Variants in FGF12 observed in about 807,000 individuals in gnomAD.
FGF12 encodes the protein fibroblast growth factor 12, also known as fibroblast growth factor 12B.
Under a neutral mutation model 23.6 loss-of-function variants are expected in FGF12, and 14 were observed. The ratio of observed to expected loss-of-function variants is 0.59; its 90% CI spans 0.39 to 0.93. The LOEUF (loss-of-function observed/expected upper bound fraction) is 0.93, where lower values mean the gene tolerates loss of function less well. Among genes scored for constraint, FGF12 ranks in the 40% least tolerant of loss-of-function variants. The probability of loss-of-function intolerance (pLI) is 0.00; values close to 1 mark genes in which losing one functional copy is unlikely to be tolerated. For missense variants in FGF12, 175 were observed against 217.8 expected, an observed-to-expected ratio of 0.80 and a Z score of 1.24; for synonymous variants, 62 against 77.3, an observed-to-expected ratio of 0.80 and a Z score of 1.04.
chr3:192,298,266 G>C (rs9823533), intron 4 of FGF12, among the ~76,000 whole-genome samples: 67 of 152,262 alleles, frequency 4.4e-4, no homozygotes, highest in African/African-American at 1.5e-3. Flanking sequence ...TCTGTCCCTT[G>C]ATCTCATAGA....
At chr3:192,413,909 T>G (rs1721270361) in intron 2 of FGF12, among the ~76,000 whole-genome samples, 2 of 152,216 alleles carry the variant, frequency 1.3e-5, no homozygotes, top group Admixed American at 6.5e-5. Context: ...TTCTGACATA[T>G]TGTCAGTTAC....
rs745909969 is a variant in FGF12, at chr3:192,336,298, G to T, written c.125-834C>A. Reference sequence around the variant, plus strand: ...ACATGCTTGCAGTCTTTACATATTCGAGTTGCTCATCACTCAAAATACTCA... The same window carrying T: ...ACATGCTTGCAGTCTTTACATATTCTAGTTGCTCATCACTCAAAATACTCA... On this transcript the variant is annotated intron_variant, in intron 3 of 5. Transcript: ENST00000445105. This position sits in a 1 kb window ranked among gnomAD's most constrained non-coding sequence, Gnocchi z 4.3. Among the ~76,000 whole-genome samples the T allele has an allele frequency of 6.6e-6, 1 of 151,912 alleles. No individual in the cohort carries two copies. Among genetic ancestry groups the T allele is most frequent in the East Asian group, 1.9e-4 (1 of 5,170 alleles).
Position 192,353,319 on chromosome 3 carries a change from T to C in FGF12, c.124+7109A>G, listed in dbSNP as rs528904541. On this transcript the variant is annotated intron_variant, in intron 3 of 5. Coordinates refer to ENST00000445105, the MANE Select transcript of FGF12 (RefSeq NM_004113.6). ...AAATAAGAAAGAATATCATTTCAAA[T>C]GACTCGTTTTGCTTTACTGACCAGA... Among the ~76,000 whole-genome samples the C allele has an allele frequency of 4.7e-5, 6 of 127,138 alleles. No homozygotes were observed. In the South Asian group the frequency reaches 1.7e-3, roughly 35 times the overall value. 83.4% of individuals were successfully genotyped at this position (127,138 alleles called of 152,430 possible).
chr3:192,712,827 G>T (rs1269731437), intron 2 of FGF12, among the ~76,000 whole-genome samples: 1 of 151,796 alleles, frequency 6.6e-6, no homozygotes, highest in Non-Finnish European at 1.5e-5. Context: ...TCCAAGCAGA[G>T]ACCTGCAAAA....
At chr3:192,722,126 C>G (rs1376688851) in intron 2 of FGF12, among the ~76,000 whole-genome samples, 1 of 152,132 alleles carries the variant, frequency 6.6e-6, no homozygotes, top group Non-Finnish European at 1.5e-5. Flanking sequence ...ATTAAATGAA[C>G]TGGACCCCCT....
At chr3:192,245,820 G>A (rs1711538693) in intron 4 of FGF12, among the ~76,000 whole-genome samples, 1 of 152,118 alleles carries the variant, frequency 6.6e-6, no homozygotes, top group Non-Finnish European at 1.5e-5. Context: ...AACAGAGGAA[G>A]TTTTACTTCT....
intron 2 of FGF12, among the ~76,000 whole-genome samples, chr3:192,492,866 A>G (rs934423496): frequency 3.3e-5 from 5 of 151,874 alleles, no homozygotes; most frequent in Non-Finnish European, 7.4e-5. Context: ...TTTCCAATTT[A>G]TACACAGGAT....
chr3:192,549,508 T>C (rs921026802), intron 2 of FGF12, among the ~76,000 whole-genome samples: 3 of 152,122 alleles, frequency 2.0e-5, no homozygotes, highest in Non-Finnish European at 4.4e-5. Context: ...AAAATCACAT[T>C]TGAAAATAGA....
chr3:192,726,076 C>T (rs189210823), intron 2 of FGF12, among the ~76,000 whole-genome samples: 1 of 152,308 alleles, frequency 6.6e-6, no homozygotes, highest in East Asian at 1.9e-4. Flanking sequence ...ATACTTAAAA[C>T]ACTTTATTGA....
intron 2 of FGF12, among the ~76,000 whole-genome samples, chr3:192,696,055 C>T (rs74720946): frequency 0.05 from 7,554 of 152,170 alleles, 328 homozygotes; most frequent in East Asian, 0.2. Flanking sequence ...GCTGAGATCT[C>T]ACTACTGCAC....
intron 2 of FGF12, among the ~76,000 whole-genome samples, chr3:192,565,051 G>C (rs1471412089): frequency 6.6e-6 from 1 of 152,192 alleles, no homozygotes; most frequent in Non-Finnish European, 1.5e-5. Context: ...TTCACTTGGT[G>C]AATGCTCAAT....
intron 4 of FGF12, among the ~76,000 whole-genome samples, chr3:192,242,120 A>G (rs1345615601): frequency 2.0e-5 from 3 of 152,198 alleles, no homozygotes; most frequent in Non-Finnish European, 4.4e-5. Flanking sequence ...AAATCATGAA[A>G]CCTAAGGAAA....
At chr3:192,188,277 A>G (rs1716596076) in intron 4 of FGF12, among the ~76,000 whole-genome samples, 1 of 152,224 alleles carries the variant, frequency 6.6e-6, no homozygotes, top group Admixed American at 6.5e-5. Flanking sequence ...AAAACTCAGC[A>G]CATTTCAAAT....
chr3:192,286,237 C>T (rs1031868792), intron 4 of FGF12, among the ~76,000 whole-genome samples: 2 of 151,962 alleles, frequency 1.3e-5, no homozygotes, highest in African/African-American at 4.8e-5. Context: ...GTGCTGTTGG[C>T]GCCCATCAGA....
Position 192,727,297 on chromosome 3 carries a change from G to T in FGF12, c.-104C>A. On this transcript the variant is annotated 5_prime_UTR_variant, in exon 2 of 6. Coordinates refer to ENST00000445105, the MANE Select transcript of FGF12 (RefSeq NM_004113.6). ...GGAAGCCAATCTGATGATTTCGCCC[G>T]TACTTCCTTCCTTCCCCTCAGGCTT... is the stretch of plus-strand genomic sequence containing the variant. 6.4e-7 allele frequency: 1 copy of T among 1,551,716 alleles called. No individual in the cohort carries two copies. Among genetic ancestry groups the T allele is most frequent in the Non-Finnish European group, 8.7e-7 (1 of 1,147,052 alleles).
Position 192,336,913 on chromosome 3 carries a change from G to T in FGF12, c.125-1449C>A, listed in dbSNP as rs1427467969. Among the ~76,000 whole-genome samples the T allele has an allele frequency of 6.6e-6, 1 of 152,102 alleles. No individual in the cohort carries two copies. Among genetic ancestry groups the T allele is most frequent in the African/African-American group, 2.4e-5 (1 of 41,424 alleles). ...GAACAGGATTCCATTCTTAGCTGTC[G>T]ACATCGGATCAGTCCTTTTGCCTCT... On this transcript the variant is annotated intron_variant, in intron 3 of 5. Transcript: ENST00000445105. This position sits in a 1 kb window ranked among gnomAD's most constrained non-coding sequence, Gnocchi z 4.3.
chr3:192,167,967 A>G (rs1715321503), intron 5 of FGF12, among the ~76,000 whole-genome samples: 1 of 151,052 alleles, frequency 6.6e-6, no homozygotes, highest in Admixed American at 6.6e-5. Context: ...GGGTTTCACC[A>G]TGTTGGTCAG....
At chr3:192,371,117 C>T (rs184627506) in intron 2 of FGF12, among the ~76,000 whole-genome samples, 1 of 152,314 alleles carries the variant, frequency 6.6e-6, no homozygotes, top group African/African-American at 2.4e-5. Context: ...GCTTTCCAGG[C>T]AGCTCAAAAA....
At chr3:192,184,601 C>A (rs1716353338) in intron 4 of FGF12, among the ~76,000 whole-genome samples, 1 of 152,176 alleles carries the variant, frequency 6.6e-6, no homozygotes, top group Non-Finnish European at 1.5e-5. Flanking sequence ...GAAGGCCAAT[C>A]CAACTCTGAA....
Sources: gnomAD v4.1 joint callset for allele counts (sites outside exome capture counted in the v4.1 genomes callset) on GRCh38, gnomAD v4.1.1 for gene constraint, Gnocchi (gnomAD v3.1) non-coding constraint, MANE v1.5 for transcripts, NCBI Gene and HGNC (gene_info 2026-07-23, HGNC 2026-07-21) for gene names.